TANC1: variants seen among roughly 807,000 people sequenced by gnomAD.
TANC1 encodes tetratricopeptide repeat, ankyrin repeat and coiled-coil containing 1, also known as protein TANC1.
In TANC1, 77 loss-of-function variants were observed where a neutral mutation model predicts 149.7. The observed-to-expected ratio is 0.51, with a 90% CI of 0.43 to 0.62. The LOEUF (loss-of-function observed/expected upper bound fraction) is 0.62, where lower values mean the gene tolerates loss of function less well. Ranked by LOEUF, TANC1 falls within the 20% of genes least tolerant of loss-of-function variation. The pLI is 0.00. For synonymous variants in TANC1, 854 were observed against 925.0 expected (o/e 0.92, Z 1.39); for missense variants, 1,985 against 2,321.8 (o/e 0.85, Z 2.98).
chr2:159,188,905 T>C (rs771302087), intron 16 of TANC1, among the ~76,000 whole-genome samples: 4 of 152,168 alleles, frequency 2.6e-5, no homozygotes, highest in Non-Finnish European at 5.9e-5. Context: ...TTCCATATCG[T>C]TGGGGGAAAA....
chr2:158,991,078 C>A lies in TANC1; in HGVS notation c.-125-10002C>A, dbSNP rs1168176601. On this transcript the variant is annotated intron_variant, in intron 1 of 26. Transcript: ENST00000263635. ...CTGCACTCCAACCTGGGTGACAGAG[C>A]CAGATCCTGTGTCAAAAAAAAAAAA... 2.4e-5 allele frequency among the ~76,000 whole-genome samples: 3 copies of A among 125,508 alleles called. No individual in the cohort carries two copies. The East Asian group carries it at 6.6e-4, about 28-fold the overall frequency. The allele number at this position is 125,508 out of a possible 152,430, so 82.3% of individuals were successfully genotyped here. A position where few individuals can be genotyped will look rare whatever the true frequency, so the allele number is the denominator to read the frequency against.
At chr2:159,194,222 A>G in intron 16 of TANC1, 35 bp from the exon 17 acceptor site, 1 of 1,547,832 alleles carries the variant, frequency 6.5e-7, no homozygotes, top group South Asian at 1.1e-5. Context: ...GATGACATAC[A>G]TGTGACAATC....
chr2:159,163,236 C>G, intron 7 of TANC1, 47 bp from the exon 8 acceptor site: 1 of 1,582,004 alleles, frequency 6.3e-7, no homozygotes, highest in Non-Finnish European at 8.6e-7. Context: ...TTCTTCAGCC[C>G]CAGCTGTGCC....
chr2:159,034,824 C>T (rs2040051449), intron 2 of TANC1, among the ~76,000 whole-genome samples: 1 of 152,240 alleles, frequency 6.6e-6, no homozygotes, highest in African/African-American at 2.4e-5. Context: ...ATTGTTTCCA[C>T]TGTGCTGTGG....
Position 159,178,790 on chromosome 2 carries a change from C to T in TANC1, c.2137C>T (p.Leu713Phe). 2 of 1,614,208 alleles carry T rather than the reference C, an allele frequency of 1.2e-6. No individual in the cohort carries two copies. The highest frequency in any genetic ancestry group is 1.1e-5 in the South Asian group (1 of 91,088). ...CCTGTACCTCAAGCTCACCCTGGAC[C>T]TTTTCCAGAGGGGCCACTTGGTCAT... ...SYLYLKLTLDLFQRGHLVIKS... is the reference protein window; with the variant it reads ...SYLYLKLTLDFFQRGHLVIKS... The change falls in exon 14 of 27, where the codon CTT (leucine) becomes TTT (phenylalanine). Residue 713 changes from leucine to phenylalanine, a missense_variant. Coordinates refer to ENST00000263635, the MANE Select transcript of TANC1 (RefSeq NM_033394.3).
At chr2:159,215,511 C>T (rs2059286840) in intron 19 of TANC1, among the ~76,000 whole-genome samples, 1 of 152,156 alleles carries the variant, frequency 6.6e-6, no homozygotes, top group Non-Finnish European at 1.5e-5. Flanking sequence ...ATTGTAGGCA[C>T]CAGAGGAAGC....
intron 12 of TANC1, among the ~76,000 whole-genome samples, chr2:159,175,620 C>A (rs995794728): frequency 1.3e-5 from 2 of 152,172 alleles, no homozygotes; most frequent in African/African-American, 4.8e-5. Flanking sequence ...TAAAGGTTTC[C>A]ATTTTAATTG....
intron 2 of TANC1, among the ~76,000 whole-genome samples, chr2:159,049,190 G>A (rs977290496): frequency 2.0e-5 from 3 of 152,124 alleles, no homozygotes; most frequent in African/African-American, 7.2e-5. Flanking sequence ...TTTAGAAATT[G>A]TTTAATTTTC....
At chr2:159,211,681 A>T (rs750293207) in intron 19 of TANC1, among the ~76,000 whole-genome samples, 6 of 152,244 alleles carry the variant, frequency 3.9e-5, no homozygotes, top group Non-Finnish European at 8.8e-5. Flanking sequence ...TCCCCTGAAA[A>T]TGGCAGAGCC....
chr2:159,017,349 A>G (rs1349567194), intron 2 of TANC1, among the ~76,000 whole-genome samples: 1 of 152,190 alleles, frequency 6.6e-6, no homozygotes, highest in African/African-American at 2.4e-5. Flanking sequence ...TACCAATAGT[A>G]TTTTAAGGAA....
intron 4 of TANC1, among the ~76,000 whole-genome samples, chr2:159,099,777 C>G (rs1418033278): frequency 1.3e-5 from 2 of 150,850 alleles, no homozygotes; most frequent in East Asian, 3.9e-4. Context: ...GATGTTGCCT[C>G]TTAGTAATTT....
In TANC1 at chr2:159,230,751, G is replaced by A. The variant is rs377388033; in HGVS notation, c.5325G>A (p.Val1775=). ...CTGAGAAGCCCTCTCTCATGCAAGT[G>A]GGAGGATATAATAACCAAGCCAAAA... ...ANTEKPSLMQ[V]GGYNNQAKTC... is the part of the protein sequence containing the mutation. Residue 1775 remains valine, a synonymous_variant, in exon 27 of 27, where the codon GTG becomes GTA. Transcript: ENST00000263635. This position sits in a 1 kb window ranked among gnomAD's most constrained non-coding sequence, Gnocchi z 4.4. The A allele has an allele frequency of 9.9e-6, 16 of 1,614,048 alleles. No homozygotes were observed. In the African/African-American group the frequency reaches 1.9e-4, roughly 19 times the overall value.
At chr2:159,041,488 A>G (rs2040625508) in intron 2 of TANC1, among the ~76,000 whole-genome samples, 1 of 152,186 alleles carries the variant, frequency 6.6e-6, no homozygotes, top group South Asian at 2.1e-4. Flanking sequence ...AGCCTCAGCA[A>G]TGGTGGATGC....
intron 4 of TANC1, among the ~76,000 whole-genome samples, chr2:159,120,011 T>G (rs1033973269): frequency 2.6e-5 from 4 of 152,196 alleles, no homozygotes; most frequent in African/African-American, 4.8e-5. Context: ...CAGTCTCAGG[T>G]GCAGCCTGTT....
chr2:158,985,112 C>G (rs2034850400), intron 1 of TANC1, among the ~76,000 whole-genome samples: 1 of 152,066 alleles, frequency 6.6e-6, no homozygotes, highest in Non-Finnish European at 1.5e-5. Context: ...TGAAGTAGGT[C>G]AGGTGAGAGA....
intron 10 of TANC1, among the ~76,000 whole-genome samples, chr2:159,171,890 A>G (rs2055287550): frequency 6.6e-6 from 1 of 151,664 alleles, no homozygotes; most frequent in South Asian, 2.1e-4. Flanking sequence ...AAGAAAAAAA[A>G]AATTTAATAG....
intron 2 of TANC1, among the ~76,000 whole-genome samples, chr2:159,057,266 T>G (rs2041923083): frequency 6.6e-6 from 1 of 152,238 alleles, no homozygotes; most frequent in Admixed American, 6.5e-5. Flanking sequence ...AGGGCTATCC[T>G]GAACCTTCAC....
chr2:158,997,851 C>G (rs965970936), intron 1 of TANC1, among the ~76,000 whole-genome samples: 3 of 152,168 alleles, frequency 2.0e-5, no homozygotes, highest in African/African-American at 7.2e-5. Flanking sequence ...CCTTAGCCCT[C>G]CCTACACCTT....
At chr2:159,210,822 C>T (rs966198125) in intron 19 of TANC1, among the ~76,000 whole-genome samples, 3 of 151,882 alleles carry the variant, frequency 2.0e-5, no homozygotes, top group East Asian at 1.9e-4. Context: ...CTGCACGCCT[C>T]GGCCTCCCAA....
Sources: allele counts gnomAD v4.1 joint callset (sites outside exome capture counted in the v4.1 genomes callset), GRCh38; gene constraint gnomAD v4.1.1; non-coding constraint Gnocchi (gnomAD v3.1); transcripts MANE v1.5; gene names NCBI Gene and HGNC (gene_info 2026-07-23, HGNC 2026-07-21).